Variants in SYT17 observed in about 807,000 individuals in gnomAD.
SYT17 encodes synaptotagmin-17.
A neutral mutation model predicts 46.7 loss-of-function variants in SYT17; 22 were observed. That is an observed-to-expected ratio of 0.47 (90% CI 0.34 to 0.67). The LOEUF is 0.67. Ranked by LOEUF, SYT17 falls within the 30% of genes least tolerant of loss-of-function variation. The pLI is 0.01. For missense variants in SYT17, 519 were observed against 612.8 expected (o/e 0.85, Z 1.62); for synonymous variants, 251 against 248.4 (o/e 1.01, Z -0.10).
intron 5 of SYT17, among the ~76,000 whole-genome samples, chr16:19,221,561 T>C (rs1966319320): frequency 6.6e-6 from 1 of 152,212 alleles, no homozygotes; most frequent in African/African-American, 2.4e-5. Flanking sequence ...GATTGTTTCT[T>C]GTTTGTTTGG....
At position 19,205,960 on chromosome 16, in the gene SYT17, G is replaced by T. The variant is rs150873569; in HGVS notation, c.952-17085G>T. Among the ~76,000 whole-genome samples, 6 of 151,940 alleles carry T rather than the reference G, an allele frequency of 3.9e-5. No individual in the cohort carries two copies. In the East Asian group the frequency reaches 1.2e-3, roughly 29 times the overall value. On this transcript the variant is annotated intron_variant, in intron 5 of 7. Coordinates refer to ENST00000355377, the MANE Select transcript of SYT17 (RefSeq NM_016524.4). ...TTTTTTTCTGTCTTGTTCCCTAGTG[G>T]TACATAATACATGTTCAATAAATAT...
intron 7 of SYT17, among the ~76,000 whole-genome samples, chr16:19,229,041 A>G (rs1190431873): frequency 6.6e-6 from 1 of 152,182 alleles, no homozygotes; most frequent in Non-Finnish European, 1.5e-5. Flanking sequence ...TAAAAAATGA[A>G]AAGAGGGGTA....
chr16:19,235,113 C>G (rs565894399), intron 7 of SYT17, among the ~76,000 whole-genome samples: 1 of 152,146 alleles, frequency 6.6e-6, no homozygotes, highest in East Asian at 1.9e-4. Context: ...AGCTGCAGAG[C>G]GAAGGGATTA....
chr16:19,195,416 T>A (rs990666163), intron 5 of SYT17, among the ~76,000 whole-genome samples: 1 of 145,318 alleles, frequency 6.9e-6, no homozygotes, highest in Admixed American at 6.9e-5. Flanking sequence ...TTTTTTTTTT[T>A]AAGAGATTGG....
intron 7 of SYT17, among the ~76,000 whole-genome samples, chr16:19,254,943 A>C (rs1273641668): frequency 6.6e-6 from 1 of 152,214 alleles, no homozygotes; most frequent in African/African-American, 2.4e-5. Context: ...CCACAGCCCC[A>C]AAGGAATTTT....
At chr16:19,255,161 C>G (rs926543804) in intron 7 of SYT17, among the ~76,000 whole-genome samples, 11 of 152,206 alleles carry the variant, frequency 7.2e-5, no homozygotes, top group Admixed American at 2.6e-4. Context: ...CCTGAGTCTC[C>G]CAGCTCCTTT....
chr16:19,263,976 C>T (rs900309599), intron 7 of SYT17, among the ~76,000 whole-genome samples: 4 of 152,250 alleles, frequency 2.6e-5, no homozygotes, highest in East Asian at 3.9e-4. Flanking sequence ...CATTAGGAGG[C>T]GGGACCTTTG....
chr16:19,189,385 G>A (rs1964923934), intron 5 of SYT17, among the ~76,000 whole-genome samples: 1 of 147,050 alleles, frequency 6.8e-6, no homozygotes, highest in Non-Finnish European at 1.5e-5. Flanking sequence ...CTGTCACCCA[G>A]GCTGGATTGC....
intron 5 of SYT17, among the ~76,000 whole-genome samples, chr16:19,196,116 C>G (rs1276758403): frequency 6.6e-6 from 1 of 152,006 alleles, no homozygotes; most frequent in Non-Finnish European, 1.5e-5. Context: ...AGGAATGTAC[C>G]AAGAAGGAGG....
At chr16:19,182,259 G>T (rs945105851) in intron 4 of SYT17, among the ~76,000 whole-genome samples, 3 of 151,920 alleles carry the variant, frequency 2.0e-5, no homozygotes, top group Non-Finnish European at 4.4e-5. Context: ...TATTAAAAAT[G>T]CAAAAATGGG....
chr16:19,223,325 T>C (rs926354487), intron 6 of SYT17, among the ~76,000 whole-genome samples, 160 bp downstream of exon 6: 1 of 151,874 alleles, frequency 6.6e-6, no homozygotes, highest in African/African-American at 2.4e-5. Context: ...AATTGGGGAG[T>C]TGACTGAGAC....
At chr16:19,175,544 G>A (rs891773242) in intron 3 of SYT17, among the ~76,000 whole-genome samples, 1 of 151,630 alleles carries the variant, frequency 6.6e-6, no homozygotes, top group Non-Finnish European at 1.5e-5. Context: ...CCAGTTCTTC[G>A]GGAGGCTGAG....
At chr16:19,232,071 G>A (rs1052478776) in intron 7 of SYT17, among the ~76,000 whole-genome samples, 21 of 152,140 alleles carry the variant, frequency 1.4e-4, no homozygotes, top group African/African-American at 1.9e-4. Flanking sequence ...CTCCCGCCCC[G>A]GAAGAGAAAT....
chr16:19,221,178 C>T (rs1332124042), intron 5 of SYT17, among the ~76,000 whole-genome samples: 7 of 140,780 alleles, frequency 5.0e-5, no homozygotes, highest in African/African-American at 1.4e-4. Flanking sequence ...TAGGGTGAGA[C>T]CTTGTCTCAA....
At chr16:19,184,993 A>G (rs1022797067) in intron 5 of SYT17, among the ~76,000 whole-genome samples, 2 of 152,084 alleles carry the variant, frequency 1.3e-5, no homozygotes, top group Admixed American at 6.6e-5. Flanking sequence ...GCATTCCTGC[A>G]TATTAGAGGG....
intron 3 of SYT17, among the ~76,000 whole-genome samples, chr16:19,176,646 G>A (rs1333312127): frequency 6.7e-6 from 1 of 150,294 alleles, no homozygotes. Context: ...TTGGGGTATT[G>A]TGACTAGAGG....
chr16:19,172,346 G>A (rs1406688052), intron 1 of SYT17: 9 of 1,379,894 alleles, frequency 6.5e-6, no homozygotes, highest in Non-Finnish European at 7.4e-6. Flanking sequence ...CTGTGTGCCT[G>A]CCTGCATGTT....
chr16:19,172,449 ACTAT>A, intron 1 of SYT17: 2 of 1,443,654 alleles, frequency 1.4e-6, no homozygotes, highest in Admixed American at 3.0e-5. Context: ...GGATAGCATG[ACTAT>A]CTATCCGCCC....
intron 7 of SYT17, among the ~76,000 whole-genome samples, chr16:19,255,713 A>T (rs754137797): frequency 4.6e-5 from 7 of 152,150 alleles, no homozygotes; most frequent in Non-Finnish European, 1.0e-4. Flanking sequence ...TGAGCCCAGG[A>T]GGTTGAGGCT....
Sources: gnomAD v4.1 joint callset for allele counts (sites outside exome capture counted in the v4.1 genomes callset) on GRCh38, gnomAD v4.1.1 for gene constraint, MANE v1.5 for transcripts, NCBI Gene and HGNC (gene_info 2026-07-23, HGNC 2026-07-21) for gene names.